ALPL: variants seen among roughly 807,000 people sequenced by gnomAD.
ALPL encodes alkaline phosphatase, tissue-nonspecific isozyme.
ALPL carries 42 observed loss-of-function variants against 51.3 expected under a neutral mutation model. The ratio of observed to expected loss-of-function variants is 0.82; its 90% confidence interval spans 0.64 to 1.06. The LOEUF (loss-of-function observed/expected upper bound fraction) is 1.06. Among genes scored for constraint, ALPL ranks in the 50% least tolerant of loss-of-function variants. The pLI, the probability that ALPL is intolerant of heterozygous loss-of-function variation, is 0.00. For missense variants in ALPL, 589 were observed against 709.4 expected (o/e 0.83, Z 1.93); for synonymous variants, 279 against 296.4 (o/e 0.94, Z 0.60).
intron 6 of ALPL, among the ~76,000 whole-genome samples, chr1:21,566,175 G>A (rs72874296): frequency 0.05 from 7,656 of 152,244 alleles, 524 homozygotes; most frequent in African/African-American, 0.16. Flanking sequence ...ACTCCTTCTG[G>A]CAATAGAAAT....
At chr1:21,552,114 T>TCCCCTCCCCCCCCCCCCCC (rs1244827813) in intron 1 of ALPL, among the ~76,000 whole-genome samples, 2 of 51,434 alleles carry the variant, frequency 3.9e-5, no homozygotes, top group Non-Finnish European at 7.3e-5. Flanking sequence ...TTTCCTCCCC[T>TCCCCTCCCCCCCCCCCCCC]TCCCTTTCCT....
intron 1 of ALPL, among the ~76,000 whole-genome samples, chr1:21,529,343 C>T (rs1643998080): frequency 6.6e-6 from 1 of 151,838 alleles, no homozygotes; most frequent in Non-Finnish European, 1.5e-5. Flanking sequence ...TCAGTCTCAA[C>T]CCCTGGCCTT....
At chr1:21,536,408 C>G (rs890095374) in intron 1 of ALPL, among the ~76,000 whole-genome samples, 1 of 152,178 alleles carries the variant, frequency 6.6e-6, no homozygotes, top group South Asian at 2.1e-4. Flanking sequence ...TGAGGTCAGA[C>G]TCTGTGTTCC....
At position 21,563,169 on chromosome 1, in the gene ALPL, TGG is replaced by T. The variant is rs751994699; in HGVS notation, c.360_361del (p.Val121GlufsTer4). ...SAGTATAYLC[G>X]VKANEGTVGV... ...CCGGCACCGCCACCGCCTACCTGTG[TGG>T]GGTGAAGGCCAATGAGGGCACCGTG... On this transcript the variant is annotated frameshift_variant, in exon 5 of 12. Transcript: ENST00000374840. LOFTEE classifies it high-confidence loss of function. 1.2e-6 allele frequency: 2 copies of T among 1,613,746 alleles called. No homozygotes were observed. The highest frequency in any genetic ancestry group is 2.7e-5 in the African/African-American group (2 of 74,908).
rs922167498 is a variant in ALPL, at chr1:21,577,621, C to G, written c.1548C>G (p.Ala516=). The stretch of plus-strand genomic sequence containing the variant: ...CAGGCCCCCTGCTGCTCGCGCTGGC[C>G]CTCTACCCCCTGAGCGTCCTGTTCT... ...LAAGPLLLAL[A]LYPLSVLF Residue 516 remains alanine (A), a synonymous_variant, in exon 12 of 12, where the codon GCC becomes GCG. Coordinates refer to ENST00000374840, the MANE Select transcript of ALPL (RefSeq NM_000478.6). The G allele has an allele frequency of 8.1e-6, 13 of 1,599,166 alleles. No individual in the cohort carries two copies. Among genetic ancestry groups the G allele is most frequent in the Middle Eastern group, 3.3e-4 (2 of 6,062 alleles).
intron 1 of ALPL, among the ~76,000 whole-genome samples, chr1:21,541,610 A>G (rs1461560159): frequency 6.6e-6 from 1 of 152,154 alleles, no homozygotes; most frequent in African/African-American, 2.4e-5. Context: ...GAGGGTGACA[A>G]CCTATGATTC....
intron 2 of ALPL, among the ~76,000 whole-genome samples, chr1:21,558,491 C>T (rs1490446534): frequency 6.6e-6 from 1 of 152,228 alleles, no homozygotes; most frequent in East Asian, 1.9e-4. Context: ...TGGCCCCGGC[C>T]TTGCCCAGAC....
intron 4 of ALPL, among the ~76,000 whole-genome samples, chr1:21,562,047 C>T (rs1426358208): frequency 2.0e-5 from 3 of 152,044 alleles, no homozygotes; most frequent in Non-Finnish European, 4.4e-5. Flanking sequence ...TATAGGCATA[C>T]CTCAGCTATA....
chr1:21,523,912 A>G (rs1460868707), intron 1 of ALPL, among the ~76,000 whole-genome samples: 1 of 148,200 alleles, frequency 6.7e-6, no homozygotes, highest in Non-Finnish European at 1.5e-5. Context: ...TAGCTCTTTT[A>G]TGAAACCTTA....
chr1:21,564,429 C>T lies in ALPL; in HGVS notation c.648+213C>T, dbSNP rs1014990273. ...GCTGCGGGGTGAACCCTCATGTGAC[C>T]GCCACCACACCCCAAGAACCAGGCA... On this transcript the variant is annotated intron_variant, in intron 6 of 11. Transcript: ENST00000374840. This position sits in a 1 kb window ranked among gnomAD's most constrained non-coding sequence, Gnocchi z 5.8. Among the ~76,000 whole-genome samples the T allele has an allele frequency of 9.2e-5, 14 of 152,146 alleles. No homozygotes were observed. Among genetic ancestry groups the T allele is most frequent in the South Asian group, 4.1e-4 (2 of 4,822 alleles).
At chr1:21,532,357 A>C (rs1326859868) in intron 1 of ALPL, among the ~76,000 whole-genome samples, 2 of 152,052 alleles carry the variant, frequency 1.3e-5, no homozygotes, top group East Asian at 3.9e-4. Flanking sequence ...ATGCCCTGCT[A>C]ATTTTTGTAT....
chr1:21,509,787 G>A lies in ALPL; in HGVS notation c.-105+270G>A, dbSNP rs929164164. On this transcript the variant is annotated intron_variant, in intron 1 of 11. Coordinates refer to ENST00000374840, the MANE Select transcript of ALPL (RefSeq NM_000478.6). This position sits in a 1 kb window ranked among gnomAD's most constrained non-coding sequence, Gnocchi z 6.0. Reference sequence around the variant, plus strand: ...GCGGAGCCGGCGAACTCAGGGGACCGCGCTCGGGACCGCCCTGCAGTCCCA... The same window carrying A: ...GCGGAGCCGGCGAACTCAGGGGACCACGCTCGGGACCGCCCTGCAGTCCCA... Among the ~76,000 whole-genome samples the A allele has an allele frequency of 2.6e-5, 4 of 152,086 alleles. No individual in the cohort carries two copies. Among genetic ancestry groups the A allele is most frequent in the East Asian group, 1.9e-4 (1 of 5,158 alleles).
rs538852531 is a variant in ALPL, at chr1:21,559,531, T to C, written c.62-1095T>C. On this transcript the variant is annotated intron_variant, in intron 2 of 11. Transcript: ENST00000374840. The stretch of plus-strand genomic sequence containing the variant: ...AGCAGCTGGGGGTTTTTTGTTTGTT[T>C]GTTTTTGAGACGGAGTCTAGCTCTG... Among the ~76,000 whole-genome samples, 7 of 152,262 alleles carry C rather than the reference T, an allele frequency of 4.6e-5. No individual in the cohort carries two copies. The East Asian group carries it at 1.2e-3, about 25-fold the overall frequency.
chr1:21,577,778 A>G lies in ALPL; in HGVS notation c.*130A>G. 8.3e-7 allele frequency: 1 copy of G among 1,201,706 alleles called. No individual in the cohort carries two copies. The highest frequency in any genetic ancestry group is 1.5e-5 in the South Asian group (1 of 67,998). 74.4% of individuals were successfully genotyped at this position (1,201,706 alleles called of 1,614,324 possible). On this transcript the variant is annotated 3_prime_UTR_variant, in exon 12 of 12. Coordinates refer to ENST00000374840, the MANE Select transcript of ALPL (RefSeq NM_000478.6). ...AACTGCAAGAAAGGGGACCCAAGAA[A>G]CCAAAGTCTGCCGCCCACCTCGCTC... is the stretch of plus-strand genomic sequence containing the variant.
intron 1 of ALPL, among the ~76,000 whole-genome samples, chr1:21,527,731 G>A (rs1643967375): frequency 6.6e-6 from 1 of 151,868 alleles, no homozygotes; most frequent in South Asian, 2.1e-4. Context: ...TGTATTTTCA[G>A]TAGGGACAAG....
intron 2 of ALPL, among the ~76,000 whole-genome samples, chr1:21,555,930 G>A (rs142588699): frequency 0.01 from 1,540 of 150,852 alleles, 23 homozygotes; most frequent in African/African-American, 0.035. Context: ...GCCACCACGC[G>A]CAGCTAATTT....
chr1:21,568,972 C>T (rs1210999269), intron 7 of ALPL, among the ~76,000 whole-genome samples: 4 of 152,144 alleles, frequency 2.6e-5, no homozygotes, highest in Non-Finnish European at 5.9e-5. Flanking sequence ...TGACTGTGGT[C>T]AGGGCTGAAG....
In ALPL at chr1:21,570,378, A is replaced by G. The variant is rs2148177101; in HGVS notation, c.862+4A>G. On this transcript the variant is annotated splice_donor_region_variant and intron_variant, in intron 8 of 11. Coordinates refer to ENST00000374840, the MANE Select transcript of ALPL (RefSeq NM_000478.6). ...CACAATGTGGACTACCTATTGGGTA[A>G]GTGGAGGGGGTGGAGGGGAGGATGC... The G allele has an allele frequency of 6.2e-7, 1 of 1,613,838 alleles. No homozygotes were observed. The highest frequency in any genetic ancestry group is 8.5e-7 in the Non-Finnish European group (1 of 1,179,826).
At chr1:21,570,090 CT>C (rs1644624354) in intron 7 of ALPL, among the ~76,000 whole-genome samples, 1 of 152,246 alleles carries the variant, frequency 6.6e-6, no homozygotes, top group Admixed American at 6.5e-5. Context: ...CACGGCCTCC[CT>C]GGGCTCTATC....
Sources: gnomAD v4.1 joint callset for allele counts (sites outside exome capture counted in the v4.1 genomes callset) on GRCh38, gnomAD v4.1.1 for gene constraint, Gnocchi (gnomAD v3.1) non-coding constraint, MANE v1.5 for transcripts, NCBI Gene and HGNC (gene_info 2026-07-23, HGNC 2026-07-21) for gene names.